Variants in SLC44A5 observed in about 807,000 individuals in gnomAD.
SLC44A5 encodes the protein choline transporter-like protein 5.
A neutral mutation model predicts 101.8 loss-of-function variants in SLC44A5; 57 were observed. The ratio of observed to expected loss-of-function variants is 0.56; its 90% confidence interval spans 0.45 to 0.70. SLC44A5 has a LOEUF of 0.70. Ranked by LOEUF, SLC44A5 falls within the 30% of genes least tolerant of loss-of-function variation. The probability of loss-of-function intolerance (pLI) is 0.00; values close to 1 mark genes in which losing one functional copy is unlikely to be tolerated. For synonymous variants in SLC44A5, 281 were observed against 290.9 expected (o/e 0.97, Z 0.35); for missense variants, 737 against 853.1 (o/e 0.86, Z 1.70).
intron 13 of SLC44A5, among the ~76,000 whole-genome samples, chr1:75,222,938 A>G (rs778514310): frequency 1.3e-5 from 2 of 152,156 alleles, no homozygotes; most frequent in East Asian, 1.9e-4. Context: ...TCTTCGCACT[A>G]TGGGCACCAT....
intron 2 of SLC44A5, among the ~76,000 whole-genome samples, chr1:75,407,224 G>A (rs1460759322): frequency 6.6e-6 from 1 of 152,038 alleles, no homozygotes; most frequent in South Asian, 2.1e-4. Context: ...ACAAACAAAT[G>A]GAAGAACATT....
chr1:75,681,406 A>C, the SLC44A5 span, among the ~76,000 whole-genome samples: 1 of 151,640 alleles, frequency 6.6e-6, no homozygotes, highest in African/African-American at 2.4e-5. Context: ...AAGCTTATCC[A>C]CCATGATCAA....
chr1:75,677,625 C>T, the SLC44A5 span: 2 of 359,054 alleles, frequency 5.6e-6, no homozygotes, highest in South Asian at 2.1e-5. Context: ...AGGAGTAAGT[C>T]CTTAATTATC....
chr1:75,479,918 T>C (rs1667720425), intron 2 of SLC44A5, among the ~76,000 whole-genome samples: 2 of 152,218 alleles, frequency 1.3e-5, no homozygotes, highest in African/African-American at 4.8e-5. Flanking sequence ...AGCATCATCC[T>C]GATACCAAAG....
chr1:75,588,277 G>A (rs939562967), intron 1 of SLC44A5, among the ~76,000 whole-genome samples: 1 of 150,036 alleles, frequency 6.7e-6, no homozygotes, highest in African/African-American at 2.5e-5. Context: ...GAGGAAGGGA[G>A]GTGGGGAGGA....
At chr1:75,316,799 A>G (rs1318232205) in intron 4 of SLC44A5, among the ~76,000 whole-genome samples, 1 of 152,166 alleles carries the variant, frequency 6.6e-6, no homozygotes, top group Non-Finnish European at 1.5e-5. Flanking sequence ...ATTTGTTCTT[A>G]CCAGATGGAT....
At chr1:75,220,491 T>C (rs1324992374) in intron 14 of SLC44A5, among the ~76,000 whole-genome samples, 1 of 152,176 alleles carries the variant, frequency 6.6e-6, no homozygotes, top group Non-Finnish European at 1.5e-5. Flanking sequence ...TATTCTTTTT[T>C]CTTTGGAAAA....
In SLC44A5 at chr1:75,378,766, C is replaced by T. The variant is rs372941799; in HGVS notation, c.52+17817G>A. On this transcript the variant is annotated intron_variant, in intron 3 of 23. Transcript: ENST00000370859. ...GTCCTCTTCCAGCAGGTCAGGTGCC[C>T]GTAAGATTACAACCTCAAACGCAGG... Among the ~76,000 whole-genome samples, 3 of 80,034 alleles carry T rather than the reference C, an allele frequency of 3.7e-5. 1 individual carries two copies. Among genetic ancestry groups the T allele is most frequent in the African/African-American group, 8.4e-5 (1 of 11,908 alleles). 52.5% of individuals were successfully genotyped at this position (80,034 alleles called of 152,430 possible).
chr1:75,539,572 C>A (rs549164724), intron 2 of SLC44A5, among the ~76,000 whole-genome samples: 12 of 147,350 alleles, frequency 8.1e-5, no homozygotes, highest in African/African-American at 1.2e-4. Context: ...TTTTTCATTC[C>A]CTGCGTATGT....
intron 3 of SLC44A5, among the ~76,000 whole-genome samples, chr1:75,340,060 G>A (rs948831709): frequency 6.6e-6 from 1 of 152,252 alleles, no homozygotes; most frequent in Non-Finnish European, 1.5e-5. Context: ...CAGTAGATTA[G>A]AGTTTCCTTC....
chr1:75,332,454 G>A (rs955035134), intron 4 of SLC44A5, among the ~76,000 whole-genome samples: 1 of 152,140 alleles, frequency 6.6e-6, no homozygotes, highest in Non-Finnish European at 1.5e-5. Context: ...AGAAATGAAA[G>A]CTTGAATGTT....
chr1:75,561,018 A>G (rs1286342633), intron 1 of SLC44A5, among the ~76,000 whole-genome samples: 1 of 152,146 alleles, frequency 6.6e-6, no homozygotes, highest in East Asian at 1.9e-4. Context: ...CTTCTCGCCA[A>G]GACTCCCATT....
chr1:75,432,269 T>G (rs1015478536), intron 2 of SLC44A5, among the ~76,000 whole-genome samples: 2 of 152,138 alleles, frequency 1.3e-5, no homozygotes, highest in African/African-American at 2.4e-5. Context: ...ATGAATATTC[T>G]TCACCAGAAA....
At chr1:75,281,995 C>CTAGTG (rs1652637037) in intron 5 of SLC44A5, among the ~76,000 whole-genome samples, 1 of 152,076 alleles carries the variant, frequency 6.6e-6, no homozygotes, top group South Asian at 2.1e-4. Flanking sequence ...TAGAAGAGGC[C>CTAGTG]CACCATCCTC....
At chr1:75,478,812 A>T (rs1667614175) in intron 2 of SLC44A5, among the ~76,000 whole-genome samples, 1 of 152,234 alleles carries the variant, frequency 6.6e-6, no homozygotes, top group Admixed American at 6.5e-5. Context: ...GGAGACTTTA[A>T]CACCCCACTG....
chr1:75,393,070 C>T (rs1661899516), intron 3 of SLC44A5, among the ~76,000 whole-genome samples: 1 of 152,126 alleles, frequency 6.6e-6, no homozygotes, highest in Non-Finnish European at 1.5e-5. Flanking sequence ...ATTTGGGTGA[C>T]AGATTCTACC....
rs186779685 is a variant in SLC44A5, at chr1:75,242,049, G to A, written c.484C>T (p.Leu162Phe). ...TAKPVKSLTQ[L>F]LLDDDCPTAI... ...GTTGGACAATCATCATCCAGTAAAA[G>A]CTGTGTGAGAGACTAAAATAGAAGG... The change falls in exon 9 of 24, where the codon CTT (leucine) becomes TTT (phenylalanine). Residue 162 changes from leucine to phenylalanine, a missense_variant. Physicochemically the swap from Leu to Phe is conservative, Grantham distance 22. Around this residue, in one of 3 missense-constraint regions of SLC44A5, gnomAD observed 665 missense variants for 764.4 expected, o/e 0.87. Transcript: ENST00000370859. 3.7e-6 allele frequency: 6 copies of A among 1,612,082 alleles called. No individual in the cohort carries two copies. The African/African-American group carries it at 8.0e-5, about 22-fold the overall frequency.
intron 5 of SLC44A5, among the ~76,000 whole-genome samples, chr1:75,281,005 T>C (rs1290979700): frequency 6.6e-6 from 1 of 152,092 alleles, no homozygotes; most frequent in Non-Finnish European, 1.5e-5. Context: ...TGGAAGTTAC[T>C]TTGGAACTGT....
chr1:75,701,972 G>T, the SLC44A5 span, among the ~76,000 whole-genome samples: 6 of 152,118 alleles, frequency 3.9e-5, no homozygotes, highest in Admixed American at 1.3e-4. Context: ...ACCTCTTCAA[G>T]GAGAACTACA....
Sources: allele counts gnomAD v4.1 joint callset (sites outside exome capture counted in the v4.1 genomes callset), GRCh38; gene constraint gnomAD v4.1.1; regional missense constraint gnomAD v4.1.1; transcripts MANE v1.5; gene names NCBI Gene and HGNC (gene_info 2026-07-23, HGNC 2026-07-21).